Variants in TOPBP1 observed in about 807,000 individuals in gnomAD.
The protein encoded by TOPBP1 is DNA topoisomerase II binding protein 1, also known as DNA topoisomerase 2-binding protein 1.
In TOPBP1, 28 loss-of-function variants were observed where a neutral mutation model predicts 167.7. That is an observed-to-expected ratio of 0.17 (90% CI 0.12 to 0.23). The LOEUF (loss-of-function observed/expected upper bound fraction) is 0.23. TOPBP1 is among the 10% of genes least tolerant of loss of function. The pLI, the probability that TOPBP1 is intolerant of heterozygous loss-of-function variation, is 1.00. For synonymous variants in TOPBP1, 598 were observed against 611.4 expected, an observed-to-expected ratio of 0.98 and a Z score of 0.32; for missense variants, 1,554 against 1,809.6, an observed-to-expected ratio of 0.86 and a Z score of 2.56.
intron 27 of TOPBP1, among the ~76,000 whole-genome samples, chr3:133,603,178 G>A (rs540688705): frequency 5.8e-4 from 89 of 152,244 alleles, no homozygotes; most frequent in Middle Eastern, 3.4e-3. Context: ...TTACAGGCGT[G>A]AGCCACCATG....
rs781205194 is a variant in TOPBP1 at position 133,617,163 on chromosome 3, T to C, written c.3756A>G (p.Glu1252=). ...ACCATATTAAGGATCAACAAACCTT[T>C]TCTCTAGGGTGCGGAGCCACAGGGG... ...ANPPVAPHPR[E]KIITIEETHE... is the part of the protein sequence containing the mutation. Residue 1252 remains glutamate (E), a synonymous_variant, in exon 22 of 28, where the codon GAA becomes GAG. Transcript: ENST00000260810. The C allele has an allele frequency of 7.5e-6, 12 of 1,603,300 alleles. No homozygotes were observed. The highest frequency in any genetic ancestry group is 4.5e-5 in the East Asian group (2 of 44,796).
At chr3:133,628,796 G>C in intron 14 of TOPBP1, 63 bp from the exon 15 acceptor site, 7 of 1,496,660 alleles carry the variant, frequency 4.7e-6, no homozygotes, top group Non-Finnish European at 6.3e-6. Flanking sequence ...AGCAAGATGG[G>C]TTAATAGGAC....
At chr3:133,657,742 T>C in intron 4 of TOPBP1, 56 bp downstream of exon 4, 1 of 1,365,746 alleles carries the variant, frequency 7.3e-7, no homozygotes, top group East Asian at 2.7e-5. Flanking sequence ...CAGTGAAAAA[T>C]TAAGAATAAG....
At chr3:133,637,670 A>T (rs1935724745) in intron 14 of TOPBP1, among the ~76,000 whole-genome samples, 1 of 152,216 alleles carries the variant, frequency 6.6e-6, no homozygotes, top group South Asian at 2.1e-4. Flanking sequence ...CAGATGTCCT[A>T]ATTTCACACC....
intron 5 of TOPBP1, among the ~76,000 whole-genome samples, chr3:133,656,302 C>T (rs1421856696): frequency 6.6e-6 from 1 of 151,988 alleles, no homozygotes; most frequent in Non-Finnish European, 1.5e-5. Flanking sequence ...GGAAGGAATG[C>T]AACTGCCAAA....
intron 23 of TOPBP1, among the ~76,000 whole-genome samples, chr3:133,613,513 TA>T (rs1342043939): frequency 6.6e-6 from 1 of 152,168 alleles, no homozygotes; most frequent in African/African-American, 2.4e-5. Flanking sequence ...CTGCAGACTT[TA>T]AAACAGGAGG....
intron 20 of TOPBP1, 102 bp downstream of exon 20, chr3:133,620,053 A>T (rs1483105217): frequency 3.9e-6 from 5 of 1,294,360 alleles, no homozygotes; most frequent in Non-Finnish European, 5.2e-6. Context: ...AAAGAAAAAA[A>T]AGCTAAATTA....
intron 13 of TOPBP1, among the ~76,000 whole-genome samples, chr3:133,638,798 CA>C (rs1254806345): frequency 1.2e-4 from 19 of 152,074 alleles, no homozygotes; most frequent in African/African-American, 4.6e-4. Context: ...CAACATTTAA[CA>C]AAAAACCTTA....
rs761122904 is a variant in TOPBP1 at position 133,638,540 on chromosome 3, GA to G, written c.2234-379del. 5.6e-4 allele frequency among the ~76,000 whole-genome samples: 85 copies of G among 152,252 alleles called. 1 individual carries two copies. Among genetic ancestry groups the G allele is most frequent in the Middle Eastern group, 3.4e-3 (1 of 294 alleles). On this transcript the variant is annotated intron_variant, in intron 13 of 27. Coordinates refer to ENST00000260810, the MANE Select transcript of TOPBP1 (RefSeq NM_007027.4). ...TTTCTAGTCAATGACAGAGTAAAAA[GA>G]AAAATCTCAATTACAGGTACTCAGA...
At chr3:133,652,653 AT>A (rs763601311) in intron 7 of TOPBP1, 24 bp from the exon 8 acceptor site, 4 of 1,556,290 alleles carry the variant, frequency 2.6e-6, no homozygotes, top group Non-Finnish European at 3.5e-6. Context: ...AAACGTATAA[AT>A]TTATGGGAGA....
At chr3:133,634,439 GC>G (rs1420304518) in intron 14 of TOPBP1, among the ~76,000 whole-genome samples, 1 of 152,124 alleles carries the variant, frequency 6.6e-6, no homozygotes, top group African/African-American at 2.4e-5. Context: ...AACCTAGGAG[GC>G]AGAGGTTGCA....
At position 133,638,099 on chromosome 3, in the gene TOPBP1, G is replaced by A; in HGVS notation, c.2297C>T (p.Pro766Leu). Reference sequence around the variant, plus strand: ...TCTGTGAGTTTGCAGGCGTGTGCCAGGATGCTCTGCAGTATCTGAATTTAG... The same window carrying A: ...TCTGTGAGTTTGCAGGCGTGTGCCAAGATGCTCTGCAGTATCTGAATTTAG... ...INLNSDTAEH[P>L]GTRLQTHRKT... The change falls in exon 14 of 28, where the codon CCT becomes CTT. Residue 766 changes from proline to leucine, a missense_variant. This residue lies in a region of TOPBP1 where 1,197 missense variants were observed against 1,351.5 expected (regional missense o/e 0.89). Transcript: ENST00000260810. 1.2e-6 allele frequency: 2 copies of A among 1,613,986 alleles called. No homozygotes were observed.
intron 23 of TOPBP1, among the ~76,000 whole-genome samples, chr3:133,615,470 C>CT (rs1404191001): frequency 3.9e-5 from 6 of 152,170 alleles, no homozygotes; most frequent in African/African-American, 1.4e-4. Context: ...GAGCAAGACT[C>CT]TGTCTCAAAA....
At position 133,640,017 on chromosome 3, in the gene TOPBP1, A is replaced by C. The variant is rs1337184881; in HGVS notation, c.2175T>G (p.Ala725=). The part of the protein sequence containing the change: ...AVTIAWLLET[A]RTGKRADESH... The stretch of plus-strand genomic sequence containing the variant: ...TTTCGTCTGCTCTCTTTCCCGTTCT[A>C]GCAGTCTCCAACAGCCAAGCTATAG... The change falls in exon 13 of 28, where the codon GCT becomes GCG. Residue 725 remains alanine (A), a synonymous_variant. Transcript: ENST00000260810. 1.9e-6 allele frequency: 3 copies of C among 1,613,806 alleles called. No homozygotes were observed. The East Asian group carries it at 6.7e-5, about 36-fold the overall frequency.
intron 23 of TOPBP1, 82 bp from the exon 24 acceptor site, chr3:133,612,634 A>T: frequency 7.6e-7 from 1 of 1,310,534 alleles, no homozygotes; most frequent in South Asian, 1.7e-5. Flanking sequence ...ACGCATAGAA[A>T]TTATTTATAA....
In TOPBP1 at chr3:133,655,463, ATATCAG is replaced by A. The variant is rs1936450181; in HGVS notation, c.563_568del (p.Thr188_Asp189del). The A allele has an allele frequency of 6.5e-7, 1 of 1,547,222 alleles. No homozygotes were observed. The highest frequency in any genetic ancestry group is 8.7e-7 in the Non-Finnish European group (1 of 1,146,200). ...AGGACACTTGAAATCTTCCATGTTT[ATATCAG>A]TATATCTAGTTATTTTTCTGTGGGA... On this transcript the variant is annotated inframe_deletion, in exon 6 of 28. Coordinates refer to ENST00000260810, the MANE Select transcript of TOPBP1 (RefSeq NM_007027.4).
intron 14 of TOPBP1, among the ~76,000 whole-genome samples, chr3:133,632,287 C>G (rs1935512398): frequency 1.3e-5 from 2 of 151,970 alleles, no homozygotes; most frequent in Admixed American, 6.6e-5. Flanking sequence ...CGCCTGTAAT[C>G]CCAGTTACTT....
intron 16 of TOPBP1, among the ~76,000 whole-genome samples, chr3:133,624,752 C>CTA (rs906546790): frequency 1.3e-5 from 2 of 152,102 alleles, no homozygotes; most frequent in African/African-American, 4.8e-5. Flanking sequence ...CCAAAACAGA[C>CTA]TATATATATT....
intron 16 of TOPBP1, among the ~76,000 whole-genome samples, chr3:133,627,859 T>C (rs1198067356): frequency 6.7e-6 from 1 of 149,880 alleles, no homozygotes; most frequent in Non-Finnish European, 1.5e-5. Flanking sequence ...TCTGACAATC[T>C]AAGTCTCCAA....
Sources: allele counts gnomAD v4.1 joint callset (sites outside exome capture counted in the v4.1 genomes callset), GRCh38; gene constraint gnomAD v4.1.1; regional missense constraint gnomAD v4.1.1; transcripts MANE v1.5; gene names NCBI Gene and HGNC (gene_info 2026-07-23, HGNC 2026-07-21).